UBR3: variants seen among roughly 807,000 people sequenced by gnomAD.
UBR3 encodes E3 ubiquitin-protein ligase UBR3.
UBR3 carries 85 observed loss-of-function variants against 243.2 expected under a neutral mutation model. That is an observed-to-expected ratio of 0.35 (90% CI 0.29 to 0.42). UBR3 has a LOEUF of 0.42. UBR3 is among the 10% of genes least tolerant of loss of function. The pLI is 1.00. For missense variants in UBR3, 1,686 were observed against 2,300.8 expected, an observed-to-expected ratio of 0.73 and a Z score of 5.47; for synonymous variants, 748 against 799.8, an observed-to-expected ratio of 0.94 and a Z score of 1.09.
intron 31 of UBR3, among the ~76,000 whole-genome samples, chr2:170,040,301 T>A (rs1261694356): frequency 6.6e-6 from 1 of 151,798 alleles, no homozygotes; most frequent in Non-Finnish European, 1.5e-5. Flanking sequence ...GTGGCGGGTT[T>A]TCACCATGTT....
chr2:169,948,032 T>A, intron 22 of UBR3: 1 of 651,794 alleles, frequency 1.5e-6, no homozygotes, highest in Non-Finnish European at 1.9e-6. Flanking sequence ...TATGGGTGTT[T>A]AATTAATATG....
chr2:169,926,947 C>A lies in UBR3; in HGVS notation c.2314C>A (p.Leu772Ile). ...AGGCGCTCTTACATTTCTTGTGATT[C>A]TTTTGAGTCTTCGTTTACATTTAGG... Reference protein sequence around the residue: ...LEGALTFLVILLSLRLHLGMS... With the variant: ...LEGALTFLVIILSLRLHLGMS... The change falls in exon 16 of 39, where the codon CTT (leucine) becomes ATT (isoleucine). Residue 772 changes from leucine to isoleucine, a missense_variant. By Grantham distance (5) the Leu-to-Ile change is conservative (BLOSUM62 2). Coordinates refer to ENST00000272793, the MANE Select transcript of UBR3 (RefSeq NM_172070.4). The A allele has an allele frequency of 6.4e-7, 1 of 1,550,790 alleles. No homozygotes were observed. Among genetic ancestry groups the A allele is most frequent in the Non-Finnish European group, 8.7e-7 (1 of 1,146,430 alleles).
chr2:169,910,458 A>G (rs1055541162), intron 10 of UBR3, among the ~76,000 whole-genome samples: 2 of 152,132 alleles, frequency 1.3e-5, no homozygotes, highest in Non-Finnish European at 2.9e-5. Context: ...GGTTATGTTT[A>G]TCTCTTTGAT....
At chr2:169,836,678 A>C (rs2082123690) in intron 1 of UBR3, among the ~76,000 whole-genome samples, 1 of 151,934 alleles carries the variant, frequency 6.6e-6, no homozygotes, top group South Asian at 2.1e-4. Context: ...TATATATATA[A>C]ATTTATAATA....
At chr2:169,999,672 A>T (rs375017051) in intron 26 of UBR3, among the ~76,000 whole-genome samples, 7 of 152,214 alleles carry the variant, frequency 4.6e-5, no homozygotes, top group African/African-American at 1.7e-4. Flanking sequence ...TTTGGGCCCA[A>T]ATGCTATTTG....
chr2:169,933,615 A>C (rs924301596), intron 19 of UBR3, among the ~76,000 whole-genome samples: 2 of 152,160 alleles, frequency 1.3e-5, no homozygotes, highest in African/African-American at 2.4e-5. Flanking sequence ...TATATTGCCA[A>C]ATATCACAAG....
chr2:169,976,888 A>T (rs2088474248), intron 24 of UBR3, among the ~76,000 whole-genome samples: 1 of 152,098 alleles, frequency 6.6e-6, no homozygotes, highest in South Asian at 2.1e-4. Context: ...GTGTTCCATA[A>T]ATCTTATAGG....
chr2:169,953,143 A>G (rs1394619245), intron 23 of UBR3, among the ~76,000 whole-genome samples: 1 of 152,208 alleles, frequency 6.6e-6, no homozygotes, highest in East Asian at 1.9e-4. Flanking sequence ...TGCTATTGTA[A>G]TAAATAATAT....
At chr2:169,984,748 C>G (rs894983179) in intron 24 of UBR3, among the ~76,000 whole-genome samples, 1 of 152,044 alleles carries the variant, frequency 6.6e-6, no homozygotes, top group Non-Finnish European at 1.5e-5. Flanking sequence ...CTCCTCTTTT[C>G]AGAAATAAAC....
chr2:169,957,579 G>A (rs563113968), intron 23 of UBR3, among the ~76,000 whole-genome samples: 19 of 116,208 alleles, frequency 1.6e-4, no homozygotes, highest in African/African-American at 4.9e-4. Flanking sequence ...GGGGGAGGGG[G>A]GAGGGAAAGC....
At chr2:169,855,836 A>G (rs1185233670) in intron 1 of UBR3, among the ~76,000 whole-genome samples, 1 of 152,246 alleles carries the variant, frequency 6.6e-6, no homozygotes, top group Non-Finnish European at 1.5e-5. Context: ...CATCGTCATC[A>G]TGGCCCCTTC....
intron 31 of UBR3, among the ~76,000 whole-genome samples, chr2:170,036,356 A>G (rs532497718): frequency 6.6e-6 from 1 of 152,168 alleles, no homozygotes; most frequent in South Asian, 2.1e-4. Context: ...TCTCTTTTCT[A>G]CAGAGGGGTG....
chr2:169,864,819 A>G (rs2083199511), intron 1 of UBR3, among the ~76,000 whole-genome samples: 1 of 149,952 alleles, frequency 6.7e-6, no homozygotes, highest in African/African-American at 2.4e-5. Flanking sequence ...AGGCAGGAGA[A>G]TGGCTTGAAC....
intron 22 of UBR3, among the ~76,000 whole-genome samples, chr2:169,948,658 T>G (rs577477870): frequency 6.6e-6 from 1 of 152,150 alleles, no homozygotes; most frequent in South Asian, 2.1e-4. Context: ...TGTAAGAGGC[T>G]TTTGCCTCTA....
intron 23 of UBR3, among the ~76,000 whole-genome samples, chr2:169,956,856 TA>T (rs2087323980): frequency 6.6e-6 from 1 of 152,188 alleles, no homozygotes; most frequent in Non-Finnish European, 1.5e-5. Flanking sequence ...AGGTTTCCCA[TA>T]ACAGTGATTG....
At chr2:170,042,747 G>T (rs892553564) in intron 32 of UBR3, among the ~76,000 whole-genome samples, 2 of 145,734 alleles carry the variant, frequency 1.4e-5, no homozygotes, top group African/African-American at 5.1e-5. Context: ...GGGATGTATA[G>T]CTAGAAGTGG....
At chr2:169,946,932 T>G (rs2086810442) in intron 21 of UBR3, among the ~76,000 whole-genome samples, 1 of 152,142 alleles carries the variant, frequency 6.6e-6, no homozygotes, top group Admixed American at 6.6e-5. Flanking sequence ...GTTGTTACTT[T>G]GTTTCAGGAC....
chr2:169,905,255 TGTTA>T lies in UBR3; in HGVS notation c.1612_1615del (p.Val538HisfsTer3). On this transcript the variant is annotated frameshift_variant, in exon 9 of 39. Coordinates refer to ENST00000272793, the MANE Select transcript of UBR3 (RefSeq NM_172070.4). LOFTEE classifies it high-confidence loss of function. ...AAGAGATTTTTGGAGGATCACGGTT[TGTTA>T]GTTACATGGATGAACTTTGTATCTT... 1 of 1,543,848 alleles carries T rather than the reference TGTTA, an allele frequency of 6.5e-7. No homozygotes were observed. The highest frequency in any genetic ancestry group is 8.7e-7 in the Non-Finnish European group (1 of 1,143,980).
chr2:170,004,639 G>A (rs114287077), intron 27 of UBR3, among the ~76,000 whole-genome samples: 173 of 152,204 alleles, frequency 1.1e-3, no homozygotes, highest in African/African-American at 3.8e-3. Context: ...GGCCAGGTAC[G>A]GTGGCTCATG....
Sources: allele counts gnomAD v4.1 joint callset (sites outside exome capture counted in the v4.1 genomes callset), GRCh38; gene constraint gnomAD v4.1.1; transcripts MANE v1.5; gene names NCBI Gene and HGNC (gene_info 2026-07-23, HGNC 2026-07-21).